MRTFA: variants seen among roughly 807,000 people sequenced by gnomAD.
MRTFA encodes the protein myocardin-related transcription factor A.
MRTFA carries 20 observed loss-of-function variants against 83.5 expected under a neutral mutation model. The ratio of observed to expected loss-of-function variants is 0.24; its 90% confidence interval spans 0.17 to 0.35. The LOEUF (loss-of-function observed/expected upper bound fraction) is 0.35, where lower values mean the gene tolerates loss of function less well. MRTFA is among the 10% of genes least tolerant of loss of function. The pLI is 1.00. For missense variants in MRTFA, 1,200 were observed against 1,224.7 expected, an observed-to-expected ratio of 0.98 and a Z score of 0.30; for synonymous variants, 659 against 541.2, an observed-to-expected ratio of 1.22 and a Z score of -3.02.
chr22:40,458,932 G>A (rs2053644214), intron 4 of MRTFA, among the ~76,000 whole-genome samples: 1 of 151,916 alleles, frequency 6.6e-6, no homozygotes, highest in Non-Finnish European at 1.5e-5. Context: ...AAATTAGCTG[G>A]GTATGGTGGT....
chr22:40,531,296 A>G (rs1251034286), intron 3 of MRTFA, among the ~76,000 whole-genome samples: 3 of 109,560 alleles, frequency 2.7e-5, no homozygotes, highest in African/African-American at 6.8e-5. Flanking sequence ...AATTTTTTGT[A>G]GAGATGGGTC....
chr22:40,602,631 G>T (rs150170623), intron 1 of MRTFA, among the ~76,000 whole-genome samples: 2 of 147,350 alleles, frequency 1.4e-5, no homozygotes, highest in African/African-American at 5.0e-5. Flanking sequence ...CTGAGGTCAA[G>T]AGTTCAAGAC....
rs756366269 is a variant in MRTFA at position 40,420,897 on chromosome 22, C to T, written c.1131G>A (p.Gln377=). The T allele has an allele frequency of 2.5e-6, 4 of 1,613,958 alleles. No homozygotes were observed. In the Admixed American group the frequency reaches 6.7e-5, roughly 27 times the overall value. ...GGTAGTTGTGGTGCTGCTGCTGCTG[C>T]TGGTTGAGGATCTGCAGCTGGAGGA... Residue 377 remains glutamine, a synonymous_variant, in exon 10 of 15, where the codon CAG becomes CAA. Coordinates refer to ENST00000355630, the MANE Select transcript of MRTFA (RefSeq NM_020831.6).
chr22:40,431,578 C>T, intron 5 of MRTFA, 98 bp from the exon 6 acceptor site: 1 of 1,123,256 alleles, frequency 8.9e-7, no homozygotes, highest in Non-Finnish European at 1.3e-6. Flanking sequence ...TAGCTGCTGA[C>T]CACCTCTGCA....
chr22:40,614,486 A>G lies in MRTFA; in HGVS notation c.-83-19751T>C, dbSNP rs916573907. The stretch of plus-strand genomic sequence containing the variant: ...TTTTACATGTTTTGGACATTCATAA[A>G]TATTTTTTCTTTTTCTTTTGAGACG... On this transcript the variant is annotated intron_variant, in intron 1 of 14. Coordinates refer to ENST00000355630, the MANE Select transcript of MRTFA (RefSeq NM_020831.6). Among the ~76,000 whole-genome samples the G allele has an allele frequency of 4.6e-5, 7 of 152,062 alleles. No homozygotes were observed. The East Asian group carries it at 1.4e-3, about 29-fold the overall frequency.
chr22:40,590,894 G>A (rs2056110623), intron 2 of MRTFA, among the ~76,000 whole-genome samples: 1 of 151,800 alleles, frequency 6.6e-6, no homozygotes, highest in African/African-American at 2.4e-5. Context: ...ACCACTTTAG[G>A]AGGCCAAGGC....
At chr22:40,418,302 C>A in intron 12 of MRTFA, 72 bp downstream of exon 12, 1 of 1,553,078 alleles carries the variant, frequency 6.4e-7, no homozygotes, top group Non-Finnish European at 8.7e-7. Flanking sequence ...TCCCCTGGCC[C>A]AAGAGGGCTG....
At chr22:40,487,840 A>G (rs117026485) in intron 3 of MRTFA, among the ~76,000 whole-genome samples, 197 of 152,266 alleles carry the variant, frequency 1.3e-3, no homozygotes, top group Non-Finnish European at 2.3e-3. Context: ...TTGCTTATGG[A>G]TATGATACTG....
chr22:40,550,606 C>G, intron 3 of MRTFA, among the ~76,000 whole-genome samples: 1 of 152,028 alleles, frequency 6.6e-6, no homozygotes, highest in Non-Finnish European at 1.5e-5. Context: ...GAATACTGAA[C>G]AACAAATTAC....
At chr22:40,555,065 T>C (rs2055500392) in intron 2 of MRTFA, among the ~76,000 whole-genome samples, 1 of 152,270 alleles carries the variant, frequency 6.6e-6, no homozygotes, top group African/African-American at 2.4e-5. Context: ...ATCCCCATTG[T>C]ATCTTGGAAG....
At chr22:40,623,983 G>A (rs964722536) in intron 1 of MRTFA, among the ~76,000 whole-genome samples, 5 of 152,128 alleles carry the variant, frequency 3.3e-5, no homozygotes, top group Non-Finnish European at 5.9e-5. Flanking sequence ...ACATGCCTCC[G>A]GTACCAGCTA....
chr22:40,592,267 A>AC (rs11458101), intron 2 of MRTFA, among the ~76,000 whole-genome samples: 2 of 40,234 alleles, frequency 5.0e-5, no homozygotes, highest in African/African-American at 1.3e-4. Flanking sequence ...CAGTCTCTAC[A>AC]AAAAAAAAAA....
Position 40,452,805 on chromosome 22 carries a change from CAAAAAAAAAAAA to C in MRTFA, c.307+10404_307+10415del, listed in dbSNP as rs34486531. The stretch of plus-strand genomic sequence containing the variant: ...TGGGCAACAGAGCAACACTCCGTCT[CAAAAAAAAAAAA>C]AAAAAAAAATGATGACGACTACTTT... On this transcript the variant is annotated intron_variant, in intron 4 of 14. Transcript: ENST00000355630. Among the ~76,000 whole-genome samples the C allele has an allele frequency of 6.4e-5, 4 of 62,668 alleles. No individual in the cohort carries two copies. The Admixed American group carries it at 7.6e-4, about 12-fold the overall frequency. 41.1% of individuals were successfully genotyped at this position (62,668 alleles called of 152,430 possible).
chr22:40,478,728 C>G (rs2054039497), intron 3 of MRTFA, among the ~76,000 whole-genome samples: 1 of 152,192 alleles, frequency 6.6e-6, no homozygotes, highest in Non-Finnish European at 1.5e-5. Flanking sequence ...ATTGTTACAA[C>G]ATGCAACATC....
At chr22:40,419,732 C>A (rs2052785986) in intron 11 of MRTFA, among the ~76,000 whole-genome samples, 1 of 152,192 alleles carries the variant, frequency 6.6e-6, no homozygotes, top group African/African-American at 2.4e-5. Flanking sequence ...GAAAACTGAG[C>A]TCATGAAAGT....
rs112892729 is a variant in MRTFA, at chr22:40,509,009, T to C, written c.241+43097A>G. The stretch of plus-strand genomic sequence containing the variant: ...AGAAAAGATGGTAGACAGTATCTTT[T>C]AGAGTGGGCAGGAATGCTTGTATTT... On this transcript the variant is annotated intron_variant, in intron 3 of 14. Coordinates refer to ENST00000355630, the MANE Select transcript of MRTFA (RefSeq NM_020831.6). Among the ~76,000 whole-genome samples the C allele has an allele frequency of 7.8e-3, 1,189 of 152,326 alleles. 14 individuals are homozygous for C. The highest frequency in any genetic ancestry group is 0.058 in the Middle Eastern group (17 of 294).
chr22:40,432,265 A>C (rs569909774), intron 5 of MRTFA, among the ~76,000 whole-genome samples: 37 of 152,120 alleles, frequency 2.4e-4, no homozygotes, highest in African/African-American at 8.2e-4. Context: ...AACAAAAAAA[A>C]CCAAAAACCA....
intron 1 of MRTFA, among the ~76,000 whole-genome samples, chr22:40,603,557 C>A (rs1322706140): frequency 6.7e-6 from 1 of 148,692 alleles, no homozygotes; most frequent in Non-Finnish European, 1.5e-5. Flanking sequence ...TGGAAATTCA[C>A]CAGCCGGCAT....
intron 12 of MRTFA, among the ~76,000 whole-genome samples, chr22:40,417,963 T>C (rs9619868): frequency 2.0e-5 from 3 of 152,132 alleles, no homozygotes; most frequent in Admixed American, 2.0e-4. Flanking sequence ...TGGGGACAGC[T>C]AGCCTCTCTG....
Sources: allele counts gnomAD v4.1 joint callset (sites outside exome capture counted in the v4.1 genomes callset), GRCh38; gene constraint gnomAD v4.1.1; transcripts MANE v1.5; gene names NCBI Gene and HGNC (gene_info 2026-07-23, HGNC 2026-07-21).